Variants in EIF4E3 observed in about 807,000 individuals in gnomAD.
EIF4E3 encodes eukaryotic translation initiation factor 4E family member 3.
In EIF4E3, 26 loss-of-function variants were observed where a neutral mutation model predicts 31.7. The observed-to-expected ratio is 0.82, with a 90% confidence interval of 0.60 to 1.14. The LOEUF is 1.14. Among genes scored for constraint, EIF4E3 ranks in the 50% most tolerant of loss-of-function variants. The pLI is 0.00. For missense variants in EIF4E3, 304 were observed against 270.9 expected, an observed-to-expected ratio of 1.12 and a Z score of -0.86; for synonymous variants, 128 against 107.7, an observed-to-expected ratio of 1.19 and a Z score of -1.17.
At chr3:71,719,983 C>T (rs1002386597) in intron 1 of EIF4E3, among the ~76,000 whole-genome samples, 2 of 151,860 alleles carry the variant, frequency 1.3e-5, no homozygotes, top group Non-Finnish European at 2.9e-5. Flanking sequence ...CACTGCACTC[C>T]AGCCTGGGTA....
chr3:71,717,696 G>A (rs2049486178), intron 1 of EIF4E3, among the ~76,000 whole-genome samples: 1 of 152,112 alleles, frequency 6.6e-6, no homozygotes, highest in Non-Finnish European at 1.5e-5. Context: ...GGGACACCAG[G>A]GCTTGGAGTC....
intron 1 of EIF4E3, among the ~76,000 whole-genome samples, chr3:71,736,887 G>A (rs2049769508): frequency 6.6e-6 from 1 of 152,134 alleles, no homozygotes; most frequent in South Asian, 2.1e-4. Context: ...TAATGGAGAA[G>A]GCTATGCATA....
At chr3:71,754,559 G>C (rs1256629106), upstream of EIF4E3, 1 of 1,374,468 alleles carries the variant, frequency 7.3e-7, no homozygotes, top group Non-Finnish European at 9.4e-7. The surrounding 1 kb of genome is among the most constrained non-coding windows in gnomAD (Gnocchi z 5.8). Flanking sequence ...AGGACGCGCC[G>C]TGCGCCCTGG....
intron 5 of EIF4E3, 67 bp from the exon 6 acceptor site, chr3:71,690,232 A>G: frequency 1.4e-6 from 2 of 1,463,748 alleles, no homozygotes; most frequent in South Asian, 1.4e-5. Flanking sequence ...GTTTCTAAGA[A>G]CTTAGTCTTT....
intron 1 of EIF4E3, among the ~76,000 whole-genome samples, chr3:71,714,349 G>A (rs1418851692): frequency 6.6e-6 from 1 of 151,910 alleles, no homozygotes; most frequent in Non-Finnish European, 1.5e-5. Flanking sequence ...AAAAAGGAAG[G>A]ACAAAAAGAA....
chr3:71,686,973 A>G (rs936525189), intron 6 of EIF4E3, among the ~76,000 whole-genome samples: 1 of 152,154 alleles, frequency 6.6e-6, no homozygotes, highest in Non-Finnish European at 1.5e-5. Flanking sequence ...CTTTATGACC[A>G]TATGGTCTCT....
intron 1 of EIF4E3, among the ~76,000 whole-genome samples, chr3:71,734,091 G>A (rs2049736473): frequency 1.3e-5 from 2 of 152,126 alleles, no homozygotes; most frequent in Non-Finnish European, 2.9e-5. Context: ...ATTCTTATTA[G>A]TTACATATTA....
At chr3:71,686,726 C>T (rs1476957627) in intron 6 of EIF4E3, among the ~76,000 whole-genome samples, 1 of 152,110 alleles carries the variant, frequency 6.6e-6, no homozygotes, top group Non-Finnish European at 1.5e-5. Flanking sequence ...GATATACAGA[C>T]TATCCAAAGA....
chr3:71,691,985 C>G (rs1479538232), intron 5 of EIF4E3, among the ~76,000 whole-genome samples: 1 of 152,186 alleles, frequency 6.6e-6, no homozygotes, highest in Non-Finnish European at 1.5e-5. Flanking sequence ...TTGCCCATTT[C>G]TACCCTATTG....
Position 71,690,176 on chromosome 3 carries a change from G to GA in EIF4E3, c.473-12dup. On this transcript the variant is annotated splice_polypyrimidine_tract_variant and intron_variant, in intron 5 of 6. Coordinates refer to ENST00000425534, the MANE Select transcript of EIF4E3 (RefSeq NM_001134651.2). ...CTATTACTTCATCATCTGAGGGGAA[G>GA]ACAGGAAAAAAAAAAAATGAGTGAT... The GA allele has an allele frequency of 6.4e-7, 1 of 1,566,480 alleles. No individual in the cohort carries two copies. The highest frequency in any genetic ancestry group is 1.4e-5 in the African/African-American group (1 of 70,930).
At chr3:71,672,298 T>A (rs2048850622), downstream of EIF4E3, among the ~76,000 whole-genome samples, 1 of 152,198 alleles carries the variant, frequency 6.6e-6, no homozygotes, top group Non-Finnish European at 1.5e-5. Flanking sequence ...TTCAGATTCA[T>A]AATATACTAC....
chr3:71,708,488 T>C (rs1185314751), intron 2 of EIF4E3, among the ~76,000 whole-genome samples: 2 of 152,186 alleles, frequency 1.3e-5, no homozygotes, highest in Non-Finnish European at 2.9e-5. Context: ...AGGAAGTATT[T>C]CCTAGTATGT....
At chr3:71,663,586 T>G in the EIF4E3 span, among the ~76,000 whole-genome samples, 7 of 152,116 alleles carry the variant, frequency 4.6e-5, no homozygotes, top group African/African-American at 7.2e-5. Flanking sequence ...ATCAGCAGGA[T>G]GCTTTACAAG....
downstream of EIF4E3, among the ~76,000 whole-genome samples, chr3:71,674,651 C>T (rs1559581552): frequency 6.6e-6 from 1 of 152,088 alleles, no homozygotes; most frequent in African/African-American, 2.4e-5. Context: ...TGTTGTAGGA[C>T]CTCAAACAAG....
Position 71,684,270 on chromosome 3 carries a change from G to A in EIF4E3, c.*412C>T, listed in dbSNP as rs1170707299. The A allele has an allele frequency of 1.8e-5, 3 of 169,852 alleles. No individual in the cohort carries two copies. Among genetic ancestry groups the A allele is most frequent in the Non-Finnish European group, 3.8e-5 (3 of 78,068 alleles). 10.5% of individuals were successfully genotyped at this position (169,852 alleles called of 1,614,324 possible). The stretch of plus-strand genomic sequence containing the variant: ...TGGTATTCAAAAGCAGTATTGTCAC[G>A]ATTATGCATATTCTCATTAACTAGG... On this transcript the variant is annotated 3_prime_UTR_variant, in exon 7 of 7. Transcript: ENST00000425534.
chr3:71,666,295 C>T, the EIF4E3 span, among the ~76,000 whole-genome samples: 128 of 152,126 alleles, frequency 8.4e-4, no homozygotes, highest in Middle Eastern at 3.4e-3. Context: ...TACAAACTAC[C>T]GTCAGAGAAT....
At chr3:71,732,608 A>T (rs1450711614) in intron 1 of EIF4E3, among the ~76,000 whole-genome samples, 2 of 152,246 alleles carry the variant, frequency 1.3e-5, no homozygotes, top group East Asian at 1.9e-4. Context: ...CACTCTGCCA[A>T]TCACTGGCTT....
chr3:71,702,420 G>C (rs777533836), intron 2 of EIF4E3, among the ~76,000 whole-genome samples: 1 of 152,190 alleles, frequency 6.6e-6, no homozygotes, highest in Admixed American at 6.5e-5. Context: ...GGTCAAAGTT[G>C]TCAAATCTTG....
Position 71,677,879 on chromosome 3 carries a change from G to A in EIF4E3, c.*6803C>T, listed in dbSNP as rs1463261153. The A allele has an allele frequency of 6.6e-6, 1 of 152,160 alleles. No homozygotes were observed. The highest frequency in any genetic ancestry group is 2.4e-5 in the African/African-American group (1 of 41,428). 9.4% of individuals were successfully genotyped at this position (152,160 alleles called of 1,614,324 possible). A position where few individuals can be genotyped will look rare whatever the true frequency, so the allele number is the denominator to read the frequency against. ...AAATTGCAGCACAAAAGAGCAACGA[G>A]AGTAATTGACTTATTCTAAAACGGA... On this transcript the variant is annotated 3_prime_UTR_variant, in exon 7 of 7. Transcript: ENST00000425534.
Sources: gnomAD v4.1 joint callset for allele counts (sites outside exome capture counted in the v4.1 genomes callset) on GRCh38, gnomAD v4.1.1 for gene constraint, Gnocchi (gnomAD v3.1) non-coding constraint, MANE v1.5 for transcripts, NCBI Gene and HGNC (gene_info 2026-07-23, HGNC 2026-07-21) for gene names.